The following SLC6A6 variants were observed in gnomAD, a reference collection of about 807,000 sequenced individuals.
SLC6A6 encodes the protein sodium- and chloride-dependent taurine transporter.
A neutral mutation model predicts 68.8 loss-of-function variants in SLC6A6; 16 were observed. That is an observed-to-expected ratio of 0.23 (90% CI 0.16 to 0.35). The LOEUF is 0.35. Among genes scored for constraint, SLC6A6 ranks in the 10% least tolerant of loss-of-function variants. The pLI is 1.00. For missense variants in SLC6A6, 474 were observed against 802.8 expected (o/e 0.59, Z 4.95); for synonymous variants, 312 against 315.4 (o/e 0.99, Z 0.12).
Position 14,475,944 on chromosome 3 carries a change from G to A in SLC6A6, c.1210-1261G>A, listed in dbSNP as rs138001282. Among the ~76,000 whole-genome samples, 33 of 152,256 alleles carry A rather than the reference G, an allele frequency of 2.2e-4. No individual in the cohort carries two copies. In the East Asian group the frequency reaches 5.2e-3, roughly 24 times the overall value. On this transcript the variant is annotated intron_variant, in intron 10 of 14. Coordinates refer to ENST00000622186, the MANE Select transcript of SLC6A6 (RefSeq NM_003043.6). Reference sequence around the variant, plus strand: ...CAGCACATGAAAGGGATTTCTCCCCGTTTGTGTTCCTTCCCTGGATTTTCC... The same window carrying A: ...CAGCACATGAAAGGGATTTCTCCCCATTTGTGTTCCTTCCCTGGATTTTCC...
At chr3:14,480,938 G>A (rs138939948) in intron 13 of SLC6A6, among the ~76,000 whole-genome samples, 3 of 152,206 alleles carry the variant, frequency 2.0e-5, no homozygotes, top group Admixed American at 6.5e-5. Flanking sequence ...TGTGGACACC[G>A]AACAGGGCAA....
At chr3:14,455,408 A>G (rs1700344714) in intron 5 of SLC6A6, among the ~76,000 whole-genome samples, 1 of 152,230 alleles carries the variant, frequency 6.6e-6, no homozygotes, top group African/African-American at 2.4e-5. Context: ...GCTCTGGAGT[A>G]TTAAGCTTCT....
intron 2 of SLC6A6, among the ~76,000 whole-genome samples, chr3:14,429,509 C>T (rs893055444): frequency 2.0e-5 from 3 of 152,336 alleles, no homozygotes; most frequent in Non-Finnish European, 4.4e-5. Flanking sequence ...TGCACACACG[C>T]ATCACATGCA....
intron 6 of SLC6A6, among the ~76,000 whole-genome samples, chr3:14,464,842 G>A (rs573578159): frequency 6.6e-6 from 1 of 152,176 alleles, no homozygotes; most frequent in African/African-American, 2.4e-5. Context: ...CCCCAGATGC[G>A]GCCCAGGGCT....
rs1161561765 is a variant in SLC6A6 at position 14,472,063 on chromosome 3, G to C, written c.1097-142G>C. 4 of 622,906 alleles carry C rather than the reference G, an allele frequency of 6.4e-6. No individual in the cohort carries two copies. Among genetic ancestry groups the C allele is most frequent in the Non-Finnish European group, 1.2e-5 (4 of 345,454 alleles). The allele number at this position is 622,906 out of a possible 1,614,324, so 38.6% of individuals were successfully genotyped here. Reference sequence around the variant, plus strand: ...CCCACCCAAAGGCGAGACAGGCCTGGTCTCTTTCCCCAGGCCAGAGTTCAG... The same window carrying C: ...CCCACCCAAAGGCGAGACAGGCCTGCTCTCTTTCCCCAGGCCAGAGTTCAG... On this transcript the variant is annotated intron_variant, in intron 9 of 14. Coordinates refer to ENST00000622186, the MANE Select transcript of SLC6A6 (RefSeq NM_003043.6). This position sits in a 1 kb window ranked among gnomAD's most constrained non-coding sequence, Gnocchi z 4.5.
chr3:14,435,013 C>A (rs1240683425), intron 2 of SLC6A6, among the ~76,000 whole-genome samples: 1 of 152,220 alleles, frequency 6.6e-6, no homozygotes, highest in African/African-American at 2.4e-5. Context: ...TCTCGCCACC[C>A]CCGGCGTTGT....
intron 9 of SLC6A6, among the ~76,000 whole-genome samples, chr3:14,469,355 G>C (rs896568728): frequency 9.9e-5 from 15 of 152,134 alleles, no homozygotes; most frequent in Admixed American, 3.9e-4. Context: ...CCATAGACTA[G>C]GGCCAGACAC....
Position 14,477,355 on chromosome 3 carries a change from C to T in SLC6A6, c.1347+13C>T. 1 of 1,613,390 alleles carries T rather than the reference C, an allele frequency of 6.2e-7. No homozygotes were observed. Among genetic ancestry groups the T allele is most frequent in the East Asian group, 2.2e-5 (1 of 44,868 alleles). On this transcript the variant is annotated intron_variant, in intron 11 of 14. Transcript: ENST00000622186. The surrounding 1 kb of genome is among the most constrained non-coding windows in gnomAD (Gnocchi z 4.2). ...GATGGTGACGGAGGTAGGTGGCTCT[C>T]TCAGCTGTGTTTCAGGCTTGGTGCT...
chr3:14,442,098 G>C lies in SLC6A6; in HGVS notation c.-11-1526G>C, dbSNP rs960366867. Among the ~76,000 whole-genome samples the C allele has an allele frequency of 4.6e-5, 7 of 152,360 alleles. No homozygotes were observed. The East Asian group carries it at 1.2e-3, about 25-fold the overall frequency. On this transcript the variant is annotated intron_variant, in intron 2 of 14. Transcript: ENST00000622186. ...CCTGAGCTGGGTGGTGAGCTGGCCAGGGTGTGGTCGTGTGACAAGGGTCAC... is the reference window on the plus strand; with the variant it reads ...CCTGAGCTGGGTGGTGAGCTGGCCACGGTGTGGTCGTGTGACAAGGGTCAC...
At position 14,433,179 on chromosome 3, in the gene SLC6A6, C is replaced by CA. The variant is rs1699768695; in HGVS notation, c.-11-10444dup. ...GCCAGGTGTGTAGCAGGTGCTCAGT[C>CA]AGCCAGAGCTTTTGTTCCCTCCCGC... On this transcript the variant is annotated intron_variant, in intron 2 of 14. Transcript: ENST00000622186. Among the ~76,000 whole-genome samples the CA allele has an allele frequency of 1.3e-5, 2 of 152,214 alleles. 1 individual carries two copies. Among genetic ancestry groups the CA allele is most frequent in the Admixed American group, 1.3e-4 (2 of 15,284 alleles).
intron 2 of SLC6A6, among the ~76,000 whole-genome samples, chr3:14,421,223 G>C (rs1699479287): frequency 6.6e-6 from 1 of 152,134 alleles, no homozygotes; most frequent in African/African-American, 2.4e-5. Context: ...TCATTTGGGG[G>C]AGATGAGAAA....
Position 14,485,159 on chromosome 3 carries a change from C to CATGTGT in SLC6A6, c.*152_*153insATGTGT, listed in dbSNP as rs138405130. The CATGTGT allele has an allele frequency of 4.3e-6, 2 of 463,772 alleles. No homozygotes were observed. The highest frequency in any genetic ancestry group is 3.7e-6 in the Non-Finnish European group (1 of 269,536). The allele number at this position is 463,772 out of a possible 1,614,324, so 28.7% of individuals were successfully genotyped here. ...ATGTAATTGTGGGTATGTGTGCGTG[C>CATGTGT]GTGTGTGTGTGTGTGTGTATCGTGT... On this transcript the variant is annotated 3_prime_UTR_variant, in exon 15 of 15. Coordinates refer to ENST00000622186, the MANE Select transcript of SLC6A6 (RefSeq NM_003043.6).
chr3:14,442,741 C>T (rs544679418), intron 2 of SLC6A6, among the ~76,000 whole-genome samples: 123 of 152,108 alleles, frequency 8.1e-4, no homozygotes, highest in Non-Finnish European at 1.3e-3. Context: ...TGAACAGCTC[C>T]GGGGGCTTAG....
In SLC6A6 at chr3:14,424,083, C is replaced by A. The variant is rs548186231; in HGVS notation, c.-12+7630C>A. ...TCACCTTTTCAAACCCCTGCCAGCT[C>A]TGCCTAGTACTGGAAAGGCCCCAGC... is the stretch of plus-strand genomic sequence containing the variant. On this transcript the variant is annotated intron_variant, in intron 2 of 14. Transcript: ENST00000622186. Among the ~76,000 whole-genome samples the A allele has an allele frequency of 6.6e-5, 10 of 152,306 alleles. No homozygotes were observed. The East Asian group carries it at 1.7e-3, about 26-fold the overall frequency.
intron 7 of SLC6A6, 120 bp downstream of exon 7, chr3:14,466,770 T>A: frequency 1.1e-6 from 1 of 916,410 alleles, no homozygotes; most frequent in Non-Finnish European, 1.5e-6. Context: ...TGCACAGGTC[T>A]AGCTGGGCCA....
At chr3:14,412,757 G>A (rs1699277966) in intron 1 of SLC6A6, among the ~76,000 whole-genome samples, 1 of 152,214 alleles carries the variant, frequency 6.6e-6, no homozygotes, top group Non-Finnish European at 1.5e-5. Flanking sequence ...GAGATAAATA[G>A]TGCAGTTGTG....
Position 14,485,096 on chromosome 3 carries a change from G to A in SLC6A6, c.*89G>A. ...ACCAGGTTTACAGAGCTTTATATTT[G>A]CACTAGGATTTTTTTTTTTTTGTAA... On this transcript the variant is annotated 3_prime_UTR_variant, in exon 15 of 15. Coordinates refer to ENST00000622186, the MANE Select transcript of SLC6A6 (RefSeq NM_003043.6). 1.7e-6 allele frequency: 2 copies of A among 1,169,976 alleles called. No homozygotes were observed. Among genetic ancestry groups the A allele is most frequent in the Non-Finnish European group, 2.3e-6 (2 of 860,008 alleles). The allele number at this position is 1,169,976 out of a possible 1,614,324, so 72.5% of individuals were successfully genotyped here.
intron 1 of SLC6A6, among the ~76,000 whole-genome samples, chr3:14,407,066 T>C (rs1330834957): frequency 2.6e-5 from 4 of 151,992 alleles, no homozygotes; most frequent in Admixed American, 2.0e-4. Context: ...GTTTTTTTTT[T>C]TGAGACAGGG....
At chr3:14,444,801 C>G in intron 3 of SLC6A6, 3 of 456,690 alleles carry the variant, frequency 6.6e-6, no homozygotes, top group Non-Finnish European at 1.3e-5. Context: ...AGCACATACA[C>G]TAGACCCAAG....
Sources: allele counts gnomAD v4.1 joint callset (sites outside exome capture counted in the v4.1 genomes callset), GRCh38; gene constraint gnomAD v4.1.1; non-coding constraint Gnocchi (gnomAD v3.1); transcripts MANE v1.5; gene names NCBI Gene and HGNC (gene_info 2026-07-23, HGNC 2026-07-21).